The following CELSR1 variants were observed in gnomAD, a reference collection of about 807,000 sequenced individuals.
CELSR1 encodes the protein cadherin EGF LAG seven-pass G-type receptor 1.
Under a neutral mutation model 249.1 loss-of-function variants are expected in CELSR1, and 110 were observed. The observed-to-expected ratio is 0.44, with a 90% confidence interval of 0.38 to 0.52. The LOEUF is 0.52. CELSR1 is among the 20% of genes least tolerant of loss of function. The pLI is 0.00. For synonymous variants in CELSR1, 2,113 were observed against 1,900.0 expected (o/e 1.11, Z -2.92); for missense variants, 4,109 against 4,296.4 (o/e 0.96, Z 1.22).
chr22:46,496,490 C>T (rs2080414972), intron 1 of CELSR1, among the ~76,000 whole-genome samples: 1 of 152,082 alleles, frequency 6.6e-6, no homozygotes, highest in African/African-American at 2.4e-5. Flanking sequence ...ATCACTTGAG[C>T]CCAGGAGACG....
chr22:46,520,107 C>G (rs1222416041), intron 1 of CELSR1, among the ~76,000 whole-genome samples: 1 of 152,102 alleles, frequency 6.6e-6, no homozygotes, highest in Non-Finnish European at 1.5e-5. Flanking sequence ...CTCCTGACCT[C>G]AGGTGATCCA....
rs71719588 is a variant in CELSR1 at position 46,371,866 on chromosome 22, AATCC to A, written c.7759+1013_7759+1016del. 1.1e-3 allele frequency among the ~76,000 whole-genome samples: 139 copies of A among 127,142 alleles called. 1 individual carries two copies. The highest frequency in any genetic ancestry group is 3.5e-3 in the African/African-American group (107 of 30,312). 83.4% of individuals were successfully genotyped at this position (127,142 alleles called of 152,430 possible). A position where few individuals can be genotyped will look rare whatever the true frequency, so the allele number is the denominator to read the frequency against. On this transcript the variant is annotated intron_variant, in intron 25 of 34. Transcript: ENST00000674500. ...CACCTATTCATCCACTCACTTATCC[AATCC>A]ATCCATCCATCCATCCATCCACCCA...
intron 1 of CELSR1, among the ~76,000 whole-genome samples, chr22:46,508,557 C>T (rs1161697946): frequency 6.6e-6 from 1 of 151,832 alleles, no homozygotes; most frequent in Non-Finnish European, 1.5e-5. Flanking sequence ...CACTTACTTG[C>T]CAAATTCCAG....
chr22:46,513,870 C>T (rs2147773633), intron 1 of CELSR1, among the ~76,000 whole-genome samples: 1 of 152,216 alleles, frequency 6.6e-6, no homozygotes, highest in East Asian at 1.9e-4. Context: ...CAGCTCACTG[C>T]AGCCTCTGCC....
At chr22:46,372,814 G>T in intron 25 of CELSR1, 69 bp downstream of exon 25, 3 of 1,518,144 alleles carry the variant, frequency 2.0e-6, no homozygotes, top group South Asian at 1.3e-5. Context: ...AAGGAGGGCA[G>T]CGTTCCTGCA....
Position 46,535,842 on chromosome 22 carries a change from G to A in CELSR1, c.1329C>T (p.Ala443=). The A allele has an allele frequency of 1.2e-6, 2 of 1,611,862 alleles. No individual in the cohort carries two copies. The highest frequency in any genetic ancestry group is 1.7e-6 in the Non-Finnish European group (2 of 1,179,972). The change falls in exon 1 of 35, where the codon GCC becomes GCT. Residue 443 remains alanine, a synonymous_variant. Coordinates refer to ENST00000674500, the MANE Select transcript of CELSR1 (RefSeq NM_001378328.1). ...CGTCCTCCACCTCGATGTACACGGT[G>A]GCCGTGGCACTGAGCGGGCCCGGAT... ...GRNPGPLSAT[A]TVYIEVEDEN... is the part of the protein sequence containing the mutation.
rs1227000529 is a variant in CELSR1, at chr22:46,428,608, T to C, written c.4611+4785A>G. Among the ~76,000 whole-genome samples the C allele has an allele frequency of 6.6e-6, 1 of 152,190 alleles. No homozygotes were observed. ...CCGGGTTAGGGGAACAGCTGGAGTC[T>C]AGTGACCAGAGGTCAGGAATGCTGC... On this transcript the variant is annotated intron_variant, in intron 5 of 34. Transcript: ENST00000674500. The surrounding 1 kb of genome is among the most constrained non-coding windows in gnomAD (Gnocchi z 5.7).
At position 46,380,223 on chromosome 22, in the gene CELSR1, C is replaced by A. The variant is rs1324826000; in HGVS notation, c.7256+565G>T. ...ATGCTAGAACACAGATTCTCGCGCACAGATTCTCCTGCGTTCGCCACTCTG... is the reference window on the plus strand; with the variant it reads ...ATGCTAGAACACAGATTCTCGCGCAAAGATTCTCCTGCGTTCGCCACTCTG... On this transcript the variant is annotated intron_variant, in intron 22 of 34. Coordinates refer to ENST00000674500, the MANE Select transcript of CELSR1 (RefSeq NM_001378328.1). This position sits in a 1 kb window ranked among gnomAD's most constrained non-coding sequence, Gnocchi z 5.1. Among the ~76,000 whole-genome samples the A allele has an allele frequency of 6.6e-6, 1 of 152,228 alleles. No individual in the cohort carries two copies. The highest frequency in any genetic ancestry group is 2.4e-5 in the African/African-American group (1 of 41,464).
intron 1 of CELSR1, among the ~76,000 whole-genome samples, chr22:46,525,038 G>A (rs1303404119): frequency 6.6e-6 from 1 of 152,184 alleles, no homozygotes; most frequent in Non-Finnish European, 1.5e-5. Flanking sequence ...AAGCCCAGGG[G>A]CCTCCAAGAG....
At chr22:46,529,137 G>A (rs2080767625) in intron 1 of CELSR1, among the ~76,000 whole-genome samples, 1 of 150,890 alleles carries the variant, frequency 6.6e-6, no homozygotes, top group African/African-American at 2.4e-5. Context: ...GTGGTGGCGG[G>A]TACCTGTAGT....
Position 46,411,631 on chromosome 22 carries a change from A to G in CELSR1, c.4740T>C (p.Ala1580=). 1 of 1,614,184 alleles carries G rather than the reference A, an allele frequency of 6.2e-7. No individual in the cohort carries two copies. The highest frequency in any genetic ancestry group is 2.2e-5 in the East Asian group (1 of 44,876). The change falls in exon 6 of 35, where the codon GCT becomes GCC. Residue 1580 remains alanine, a synonymous_variant. Transcript: ENST00000674500. This position sits in a 1 kb window ranked among gnomAD's most constrained non-coding sequence, Gnocchi z 4.2. The stretch of plus-strand genomic sequence containing the variant: ...TGGAGCCGGTCTGAGTGCCCTGGGC[A>G]GCGCAGCTGTAGTTCCCGATGTCCT... ...FGKDIGNYSC[A]AQGTQTGSKK... is the part of the protein sequence containing the mutation.
intron 1 of CELSR1, among the ~76,000 whole-genome samples, chr22:46,476,028 T>G (rs1295095040): frequency 1.3e-5 from 2 of 152,162 alleles, no homozygotes; most frequent in Non-Finnish European, 2.9e-5. Context: ...GCTGAGACGT[T>G]GAGCAAGTGC....
At chr22:46,368,050 A>G (rs941454955) in intron 27 of CELSR1, among the ~76,000 whole-genome samples, 195 bp from the exon 28 acceptor site, 1 of 152,140 alleles carries the variant, frequency 6.6e-6, no homozygotes, top group Non-Finnish European at 1.5e-5. Flanking sequence ...CGGGAACCAG[A>G]CAGAGCTCGT....
chr22:46,403,265 A>G (rs1053983643), intron 9 of CELSR1, among the ~76,000 whole-genome samples: 1 of 152,032 alleles, frequency 6.6e-6, no homozygotes, highest in Non-Finnish European at 1.5e-5. Flanking sequence ...ATTAAAACCA[A>G]TAGGCTGGCG....
At chr22:46,522,077 T>A (rs1036384466) in intron 1 of CELSR1, among the ~76,000 whole-genome samples, 9 of 152,128 alleles carry the variant, frequency 5.9e-5, no homozygotes, top group African/African-American at 2.2e-4. Context: ...AGGTTTGGGG[T>A]TTTTTTGTGT....
At chr22:46,389,558 G>C in intron 17 of CELSR1, 59 bp from the exon 18 acceptor site, 2 of 1,533,706 alleles carry the variant, frequency 1.3e-6, no homozygotes, top group South Asian at 2.3e-5. Flanking sequence ...TTCAGTCCCT[G>C]CTGTTACTCA....
rs2079084105 is a variant in CELSR1, at chr22:46,390,989, A to C, written c.6250+197T>G. Among the ~76,000 whole-genome samples the C allele has an allele frequency of 6.6e-6, 1 of 152,212 alleles. No individual in the cohort carries two copies. Among genetic ancestry groups the C allele is most frequent in the Non-Finnish European group, 1.5e-5 (1 of 68,038 alleles). On this transcript the variant is annotated intron_variant, in intron 16 of 34. Transcript: ENST00000674500. The surrounding 1 kb of genome is among the most constrained non-coding windows in gnomAD (Gnocchi z 6.3). The stretch of plus-strand genomic sequence containing the variant: ...TGGCGGGCGTCCCCACACGCGCTGC[A>C]CTGTTCATGTTTCTGTTGCGCCCTC...
intron 2 of CELSR1, among the ~76,000 whole-genome samples, chr22:46,449,834 G>C (rs1334776381): frequency 6.6e-6 from 1 of 152,156 alleles, no homozygotes; most frequent in Non-Finnish European, 1.5e-5. Context: ...GAAAGGGTGG[G>C]CACAGCTAAG....
rs1569199368 is a variant in CELSR1 at position 46,490,506 on chromosome 22, C to T, written c.3545-26161G>A. Among the ~76,000 whole-genome samples the T allele has an allele frequency of 1.3e-5, 2 of 151,976 alleles. No homozygotes were observed. The highest frequency in any genetic ancestry group is 2.1e-4 in the South Asian group (1 of 4,810). On this transcript the variant is annotated intron_variant, in intron 1 of 34. Transcript: ENST00000674500. This position sits in a 1 kb window ranked among gnomAD's most constrained non-coding sequence, Gnocchi z 5.2. ...TTCACCATGTTGGTCAGGCTGGTCT[C>T]GAACTCCTGACCGCAGGCGAGCCGC... is the stretch of plus-strand genomic sequence containing the variant.
Sources: allele counts gnomAD v4.1 joint callset (sites outside exome capture counted in the v4.1 genomes callset), GRCh38; gene constraint gnomAD v4.1.1; non-coding constraint Gnocchi (gnomAD v3.1); transcripts MANE v1.5; gene names NCBI Gene and HGNC (gene_info 2026-07-23, HGNC 2026-07-21).